Variants in VAV2 observed in about 807,000 individuals in gnomAD.
VAV2 encodes the protein vav guanine nucleotide exchange factor 2.
Under a neutral mutation model 132.5 loss-of-function variants are expected in VAV2, and 67 were observed. That is an observed-to-expected ratio of 0.51 (90% confidence interval 0.42 to 0.62). The LOEUF is 0.62. VAV2 is among the 20% of genes least tolerant of loss of function. The pLI is 0.00. For missense variants in VAV2, 938 were observed against 1,153.6 expected, an observed-to-expected ratio of 0.81 and a Z score of 2.71; for synonymous variants, 492 against 443.5, an observed-to-expected ratio of 1.11 and a Z score of -1.37.
intron 27 of VAV2, among the ~76,000 whole-genome samples, chr9:133,770,096 G>A (rs1833566206): frequency 6.6e-6 from 1 of 152,200 alleles, no homozygotes. Context: ...ATGCGCAGGG[G>A]TCTCTGCCTG....
At position 133,885,343 on chromosome 9, in the gene VAV2, G is replaced by A. The variant is rs1838660184; in HGVS notation, c.322-23911C>T. On this transcript the variant is annotated intron_variant, in intron 2 of 29. Transcript: ENST00000371850. This position sits in a 1 kb window ranked among gnomAD's most constrained non-coding sequence, Gnocchi z 5.0. ...GTCTGCCTCTGCTTCTTCCCCACAA[G>A]TTCAAGGTCGGTGTACTCAGGCATC... is the stretch of plus-strand genomic sequence containing the variant. Among the ~76,000 whole-genome samples the A allele has an allele frequency of 6.6e-6, 1 of 152,196 alleles. No individual in the cohort carries two copies. Among genetic ancestry groups the A allele is most frequent in the South Asian group, 2.1e-4 (1 of 4,832 alleles).
At chr9:133,836,204 G>A (rs531495916) in intron 3 of VAV2, among the ~76,000 whole-genome samples, 90 of 152,348 alleles carry the variant, frequency 5.9e-4, no homozygotes, top group African/African-American at 1.9e-3. Context: ...ACAACCTGGA[G>A]GGGACTGGCC....
intron 2 of VAV2, among the ~76,000 whole-genome samples, chr9:133,932,377 C>T (rs1045329204): frequency 4.6e-5 from 7 of 152,208 alleles, no homozygotes; most frequent in Admixed American, 2.0e-4. Context: ...ACGCCCACCC[C>T]GGGCAGCACA....
chr9:133,806,306 C>A, intron 8 of VAV2, 125 bp from the exon 9 acceptor site: 1 of 800,670 alleles, frequency 1.2e-6, no homozygotes, highest in Non-Finnish European at 2.0e-6. Context: ...GGGTGCTGGG[C>A]CTGCACCCCA....
chr9:133,953,684 A>C (rs1841643766), intron 1 of VAV2, among the ~76,000 whole-genome samples: 1 of 152,106 alleles, frequency 6.6e-6, no homozygotes, highest in Non-Finnish European at 1.5e-5. Flanking sequence ...TTGAGTGGGG[A>C]CAGGGGGCTC....
In VAV2 at chr9:133,830,073, G is replaced by A. The variant is rs79736913; in HGVS notation, c.449+4199C>T. Among the ~76,000 whole-genome samples, 905 of 152,256 alleles carry A rather than the reference G, an allele frequency of 5.9e-3. 32 individuals carry two copies. Among genetic ancestry groups the A allele is most frequent in the Admixed American group, 0.044 (670 of 15,290 alleles). On this transcript the variant is annotated intron_variant, in intron 4 of 29. Transcript: ENST00000371850. ...CACAGGCACTCACACGGTGCCCCTCGCTGGTGTCCTAAAACCACATTTGCA... is the reference window on the plus strand; with the variant it reads ...CACAGGCACTCACACGGTGCCCCTCACTGGTGTCCTAAAACCACATTTGCA...
rs1407526639 is a variant in VAV2, at chr9:133,939,101, A to C, written c.321+2T>G. ...CCGAGGCTGGAGAGAGTGACTGCTCACCTTTCCAAAGTCTCGCACATCGAA... is the reference window on the plus strand; with the variant it reads ...CCGAGGCTGGAGAGAGTGACTGCTCCCCTTTCCAAAGTCTCGCACATCGAA... On this transcript the variant is annotated splice_donor_variant, in intron 2 of 29. Transcript: ENST00000371850. LOFTEE classifies it high-confidence loss of function. 6.2e-7 allele frequency: 1 copy of C among 1,613,870 alleles called. No homozygotes were observed. The highest frequency in any genetic ancestry group is 2.2e-5 in the East Asian group (1 of 44,874).
rs1843003972 is a variant in VAV2 at position 133,991,208 on chromosome 9, G to A, written c.204+867C>T. 6.6e-6 allele frequency among the ~76,000 whole-genome samples: 1 copy of A among 152,170 alleles called. No homozygotes were observed. The highest frequency in any genetic ancestry group is 1.9e-4 in the East Asian group (1 of 5,190). ...CTCTGCCTCCCCCGACCTCTTCTAA[G>A]CTGCTCCCGGTAAGGATTCCGCGAC... is the stretch of plus-strand genomic sequence containing the variant. On this transcript the variant is annotated intron_variant, in intron 1 of 29. Coordinates refer to ENST00000371850, the MANE Select transcript of VAV2 (RefSeq NM_001134398.2). This position sits in a 1 kb window ranked among gnomAD's most constrained non-coding sequence, Gnocchi z 4.8.
intron 1 of VAV2, among the ~76,000 whole-genome samples, chr9:133,968,671 G>A (rs1268998096): frequency 6.6e-6 from 1 of 152,196 alleles, no homozygotes; most frequent in East Asian, 1.9e-4. Context: ...ACCCATCACA[G>A]AGCCTTGTAG....
chr9:133,783,741 C>T, intron 18 of VAV2, 150 bp from the exon 19 acceptor site: 1 of 692,882 alleles, frequency 1.4e-6, no homozygotes, highest in East Asian at 2.7e-5. Context: ...TATCCAGGAC[C>T]CTCCCTTACC....
intron 1 of VAV2, among the ~76,000 whole-genome samples, chr9:133,950,087 G>C (rs1351864594): frequency 6.6e-6 from 1 of 152,288 alleles, no homozygotes; most frequent in Non-Finnish European, 1.5e-5. Flanking sequence ...ATGAGGAGTG[G>C]GTTCTCAAAG....
intron 1 of VAV2, among the ~76,000 whole-genome samples, chr9:133,979,653 G>A (rs940377218): frequency 6.6e-5 from 10 of 152,288 alleles, no homozygotes; most frequent in South Asian, 6.2e-4. Flanking sequence ...CCCCGCCTCC[G>A]GCCATGTCCC....
chr9:133,787,805 C>T (rs1393147869), intron 15 of VAV2, among the ~76,000 whole-genome samples: 1 of 150,952 alleles, frequency 6.6e-6, no homozygotes, highest in African/African-American at 2.4e-5. Flanking sequence ...CTCTGCAGTC[C>T]TGGCCCCGCC....
In VAV2 at chr9:133,833,080, G is replaced by T. The variant is rs1187269048; in HGVS notation, c.449+1192C>A. The stretch of plus-strand genomic sequence containing the variant: ...TGCCAAGGACCCCGTGGCCAGCCCA[G>T]CATCAAAGGGATGGGCTGGTGGCAG... On this transcript the variant is annotated intron_variant, in intron 4 of 29. Transcript: ENST00000371850. The surrounding 1 kb of genome is among the most constrained non-coding windows in gnomAD (Gnocchi z 5.6). 6.6e-6 allele frequency among the ~76,000 whole-genome samples: 1 copy of T among 152,186 alleles called. No homozygotes were observed. The highest frequency in any genetic ancestry group is 1.5e-5 in the Non-Finnish European group (1 of 68,022).
At chr9:133,838,718 GATGGGTGGGTGGATGA>G (rs1333793502) in intron 3 of VAV2, among the ~76,000 whole-genome samples, 23 of 146,552 alleles carry the variant, frequency 1.6e-4, no homozygotes, top group Middle Eastern at 3.6e-3. Context: ...TGGATTGATG[GATGGGTGGGTGGATGA>G]ATGGGTGGGT....
intron 1 of VAV2, among the ~76,000 whole-genome samples, chr9:133,982,439 G>A (rs1162098317): frequency 5.6e-5 from 7 of 125,412 alleles, no homozygotes; most frequent in Non-Finnish European, 1.3e-4. Flanking sequence ...GACCTAGGAC[G>A]GGGCATGGCA....
chr9:133,846,992 T>C (rs1836959227), intron 3 of VAV2, among the ~76,000 whole-genome samples: 1 of 152,156 alleles, frequency 6.6e-6, no homozygotes, highest in Non-Finnish European at 1.5e-5. Flanking sequence ...GCTTTGACCC[T>C]GTGGGTGGTG....
At chr9:133,838,638 AATGTATAGATGG>A (rs1365402299) in intron 3 of VAV2, among the ~76,000 whole-genome samples, 1 of 124,100 alleles carries the variant, frequency 8.1e-6, no homozygotes, top group East Asian at 2.7e-4. Context: ...TGGGTAGGTG[AATGTATAGATGG>A]ATGGATGGGT....
intron 4 of VAV2, among the ~76,000 whole-genome samples, chr9:133,828,735 C>T (rs1373959274): frequency 4.6e-5 from 7 of 152,238 alleles, no homozygotes; most frequent in African/African-American, 1.7e-4. Context: ...GTTACAAACA[C>T]CAAGCCTTGT....
Sources: gnomAD v4.1 joint callset for allele counts (sites outside exome capture counted in the v4.1 genomes callset) on GRCh38, gnomAD v4.1.1 for gene constraint, Gnocchi (gnomAD v3.1) non-coding constraint, MANE v1.5 for transcripts, NCBI Gene and HGNC (gene_info 2026-07-23, HGNC 2026-07-21) for gene names.